The following NEGR1 variants were observed in gnomAD, a reference collection of about 807,000 sequenced individuals.
NEGR1 encodes neuronal growth regulator 1.
A neutral mutation model predicts 40.9 loss-of-function variants in NEGR1; 10 were observed. That is an observed-to-expected ratio of 0.24 (90% CI 0.15 to 0.42). The LOEUF is 0.42. Among genes scored for constraint, NEGR1 ranks in the 10% least tolerant of loss-of-function variants. The pLI is 1.00. For synonymous variants in NEGR1, 185 were observed against 166.8 expected, an observed-to-expected ratio of 1.11 and a Z score of -0.84; for missense variants, 352 against 438.9, an observed-to-expected ratio of 0.80 and a Z score of 1.77.
intron 2 of NEGR1, among the ~76,000 whole-genome samples, chr1:71,831,508 G>A (rs534672975): frequency 1.0e-3 from 159 of 152,028 alleles, no homozygotes; most frequent in Non-Finnish European, 1.9e-3. Flanking sequence ...TTTTCATGGA[G>A]AACCTACTGT....
chr1:71,497,430 T>G (rs1056787586), intron 6 of NEGR1, among the ~76,000 whole-genome samples: 1 of 152,092 alleles, frequency 6.6e-6, no homozygotes, highest in Non-Finnish European at 1.5e-5. Flanking sequence ...TTACTATAAT[T>G]CCATAGTTTT....
At chr1:71,803,288 G>C (rs1434517928) in intron 2 of NEGR1, among the ~76,000 whole-genome samples, 1 of 152,064 alleles carries the variant, frequency 6.6e-6, no homozygotes, top group East Asian at 1.9e-4. Flanking sequence ...CTATATATGA[G>C]TCAGGAAGAA....
intron 4 of NEGR1, among the ~76,000 whole-genome samples, chr1:71,680,945 T>A (rs1652819087): frequency 6.6e-6 from 1 of 152,216 alleles, no homozygotes. Flanking sequence ...TAAGAAACAT[T>A]CCCACAATTT....
At chr1:71,820,997 G>A (rs899750649) in intron 2 of NEGR1, among the ~76,000 whole-genome samples, 1 of 151,948 alleles carries the variant, frequency 6.6e-6, no homozygotes, top group Non-Finnish European at 1.5e-5. Context: ...TATATTGCTA[G>A]AGCAGATTAA....
rs1033506016 is a variant in NEGR1, at chr1:72,091,023, C to T, written c.177-155712G>A. ...TTTTTGTGAAAACATATATCATCACCTGCATCTGATAAATGATGATTTTTC... is the reference window on the plus strand; with the variant it reads ...TTTTTGTGAAAACATATATCATCACTTGCATCTGATAAATGATGATTTTTC... On this transcript the variant is annotated intron_variant, in intron 1 of 6. Coordinates refer to ENST00000357731, the MANE Select transcript of NEGR1 (RefSeq NM_173808.3). Among the ~76,000 whole-genome samples the T allele has an allele frequency of 6.6e-5, 10 of 152,148 alleles. 1 individual carries two copies. In the East Asian group the frequency reaches 1.7e-3, roughly 26 times the overall value.
chr1:72,161,480 A>C (rs1196503100), intron 1 of NEGR1, among the ~76,000 whole-genome samples: 1 of 151,970 alleles, frequency 6.6e-6, no homozygotes, highest in Non-Finnish European at 1.5e-5. Flanking sequence ...ACAGTGATGT[A>C]GTGAGTGGAG....
At chr1:71,448,435 C>G (rs1646598578) in intron 6 of NEGR1, among the ~76,000 whole-genome samples, 1 of 152,020 alleles carries the variant, frequency 6.6e-6, no homozygotes, top group Non-Finnish European at 1.5e-5. Context: ...CGCATCTCTA[C>G]TAAAAATACA....
At chr1:71,548,060 A>T (rs541089332) in intron 6 of NEGR1, among the ~76,000 whole-genome samples, 1 of 151,824 alleles carries the variant, frequency 6.6e-6, no homozygotes, top group East Asian at 2.0e-4. Context: ...TGGACTGATC[A>T]AACCTCAGAT....
At chr1:72,138,483 T>C (rs1650552879) in intron 1 of NEGR1, among the ~76,000 whole-genome samples, 1 of 151,946 alleles carries the variant, frequency 6.6e-6, no homozygotes, top group Non-Finnish European at 1.5e-5. Flanking sequence ...AGAAGAAATA[T>C]ACTTTAAATA....
intron 1 of NEGR1, among the ~76,000 whole-genome samples, chr1:72,049,503 G>A (rs192527901): frequency 1.4e-4 from 21 of 151,666 alleles, no homozygotes; most frequent in Non-Finnish European, 2.8e-4. Context: ...TTTTCCCATG[G>A]CTTAAAATGA....
At chr1:71,844,326 G>A (rs1248808592) in intron 2 of NEGR1, among the ~76,000 whole-genome samples, 1 of 152,130 alleles carries the variant, frequency 6.6e-6, no homozygotes, top group African/African-American at 2.4e-5. Context: ...ACACCATAGT[G>A]TCCAAATCAG....
chr1:71,416,293 G>A (rs1201875046), intron 6 of NEGR1, among the ~76,000 whole-genome samples: 2 of 152,068 alleles, frequency 1.3e-5, no homozygotes, highest in African/African-American at 2.4e-5. Context: ...TCATGATCAG[G>A]TTTTCTTGTT....
Position 71,927,818 on chromosome 1 carries a change from T to TAAAAAAAAAA in NEGR1, c.409+7251_409+7260dup, listed in dbSNP as rs35429988. On this transcript the variant is annotated intron_variant, in intron 2 of 6. Coordinates refer to ENST00000357731, the MANE Select transcript of NEGR1 (RefSeq NM_173808.3). ...GGGCAACATGGCAAGACCCAATCTC[T>TAAAAAAAAAA]AAAAAAAAAAAAAAAAAAAAAAAAA... Among the ~76,000 whole-genome samples, 8 of 22,448 alleles carry TAAAAAAAAAA rather than the reference T, an allele frequency of 3.6e-4. 2 individuals are homozygous for TAAAAAAAAAA. Among genetic ancestry groups the TAAAAAAAAAA allele is most frequent in the African/African-American group, 1.4e-3 (7 of 5,096 alleles). 14.7% of individuals were successfully genotyped at this position (22,448 alleles called of 152,430 possible).
At chr1:71,708,037 A>G (rs975051113) in intron 3 of NEGR1, among the ~76,000 whole-genome samples, 1 of 152,118 alleles carries the variant, frequency 6.6e-6, no homozygotes, top group Non-Finnish European at 1.5e-5. Context: ...GGATTGCTAC[A>G]AATAAGCCCA....
intron 1 of NEGR1, among the ~76,000 whole-genome samples, chr1:71,995,438 G>GA (rs879523438): frequency 2.3e-4 from 34 of 148,482 alleles, no homozygotes; most frequent in Middle Eastern, 3.4e-3. Context: ...GGGTTTTTGG[G>GA]AAAAAAAAAA....
intron 6 of NEGR1, among the ~76,000 whole-genome samples, chr1:71,469,482 CA>C (rs1356278377): frequency 6.6e-6 from 1 of 151,912 alleles, no homozygotes; most frequent in Non-Finnish European, 1.5e-5. Flanking sequence ...GAAAATCTTC[CA>C]GCTGAATTTA....
chr1:71,935,352 AAAT>A, intron 1 of NEGR1, 41 bp from the exon 2 acceptor site: 1 of 1,329,278 alleles, frequency 7.5e-7, no homozygotes, highest in Non-Finnish European at 1.1e-6. Context: ...ATCAAAATAA[AAAT>A]GAGAGACAAC....
chr1:71,661,213 C>T (rs1478897490), intron 4 of NEGR1, among the ~76,000 whole-genome samples: 2 of 152,146 alleles, frequency 1.3e-5, no homozygotes, highest in Non-Finnish European at 2.9e-5. Context: ...TGAGTATATA[C>T]CCAGTAATGG....
intron 6 of NEGR1, among the ~76,000 whole-genome samples, chr1:71,476,316 T>C (rs1646820412): frequency 6.6e-6 from 1 of 152,128 alleles, no homozygotes; most frequent in Non-Finnish European, 1.5e-5. Context: ...CTGTCATTTT[T>C]GACAACAAAA....
Sources: gnomAD v4.1 joint callset for allele counts (sites outside exome capture counted in the v4.1 genomes callset) on GRCh38, gnomAD v4.1.1 for gene constraint, MANE v1.5 for transcripts, NCBI Gene and HGNC (gene_info 2026-07-23, HGNC 2026-07-21) for gene names.